Variants in DNAAF9 observed in about 807,000 individuals in gnomAD.
DNAAF9 encodes dynein axonemal assembly factor 9.
A neutral mutation model predicts 167.0 loss-of-function variants in DNAAF9; 90 were observed. That is an observed-to-expected ratio of 0.54 (90% CI 0.45 to 0.64). DNAAF9 has a LOEUF of 0.64. Ranked by LOEUF, DNAAF9 falls within the 30% of genes least tolerant of loss-of-function variation. DNAAF9 has a pLI of 0.00. For missense variants in DNAAF9, 1,315 were observed against 1,442.2 expected (o/e 0.91, Z 1.43); for synonymous variants, 491 against 508.8 (o/e 0.96, Z 0.47).
chr20:3,389,959 C>A (rs1374179091), intron 1 of DNAAF9, among the ~76,000 whole-genome samples: 2 of 151,374 alleles, frequency 1.3e-5, no homozygotes, highest in Non-Finnish European at 2.9e-5. Flanking sequence ...TCACTGGAAC[C>A]TGGAAGGCAG....
At chr20:3,281,792 TA>T (rs1279757020) in intron 27 of DNAAF9, 26 bp from the exon 28 acceptor site, 1 of 1,598,816 alleles carries the variant, frequency 6.3e-7, no homozygotes, top group Admixed American at 1.7e-5. Flanking sequence ...AAGGAATGAT[TA>T]GTTCACTGAC....
chr20:3,295,580 C>A (rs139042383), intron 23 of DNAAF9: 168 of 372,960 alleles, frequency 4.5e-4, no homozygotes, highest in African/African-American at 3.2e-3. Context: ...TTCTTCAGGG[C>A]AACATGGTCA....
In DNAAF9 at chr20:3,264,441, C is replaced by T; in HGVS notation, c.2870G>A (p.Gly957Asp). 7.1e-7 allele frequency: 1 copy of T among 1,409,392 alleles called. No individual in the cohort carries two copies. The highest frequency in any genetic ancestry group is 1.0e-6 in the Non-Finnish European group (1 of 994,848). 87.3% of individuals were successfully genotyped at this position (1,409,392 alleles called of 1,614,324 possible). ...MLRSRYLMYP[G>D]WYEGKLNAGS... is the part of the protein sequence containing the mutation. Reference sequence around the variant, plus strand: ...ATTTTTCAATGATGATACTTGCCAGCCAGGATACATTAAATATCGAGATCG... The same window carrying T: ...ATTTTTCAATGATGATACTTGCCAGTCAGGATACATTAAATATCGAGATCG... Residue 957 changes from glycine (G) to aspartate (D), a missense_variant, in exon 31 of 37, where the codon GGC becomes GAC. This residue lies in a region of DNAAF9 where 334 missense variants were observed against 429.7 expected (regional missense o/e 0.78). Coordinates refer to ENST00000252032, the MANE Select transcript of DNAAF9 (RefSeq NM_001009984.3).
In DNAAF9 at chr20:3,315,252, T is replaced by C; in HGVS notation, c.1591-132A>G. ...CTGAGTCAGGCTCAGATATGCCCAA[T>C]GTATTCCATGGCCTTTGGCATTGTC... On this transcript the variant is annotated intron_variant, in intron 19 of 36. Coordinates refer to ENST00000252032, the MANE Select transcript of DNAAF9 (RefSeq NM_001009984.3). This position sits in a 1 kb window ranked among gnomAD's most constrained non-coding sequence, Gnocchi z 4.1. 1 of 654,026 alleles carries C rather than the reference T, an allele frequency of 1.5e-6. No individual in the cohort carries two copies. The highest frequency in any genetic ancestry group is 2.6e-5 in the East Asian group (1 of 38,546). The allele number at this position is 654,026 out of a possible 1,614,324, so 40.5% of individuals were successfully genotyped here. A position where few individuals can be genotyped will look rare whatever the true frequency, so the allele number is the denominator to read the frequency against.
chr20:3,346,215 T>C (rs2070190269), intron 8 of DNAAF9, among the ~76,000 whole-genome samples: 1 of 152,202 alleles, frequency 6.6e-6, no homozygotes, highest in Non-Finnish European at 1.5e-5. Flanking sequence ...CTGGTGGGAA[T>C]GCAAACTGGT....
intron 8 of DNAAF9, among the ~76,000 whole-genome samples, chr20:3,345,006 T>C (rs2070165816): frequency 6.6e-6 from 1 of 152,226 alleles, no homozygotes; most frequent in Non-Finnish European, 1.5e-5. Context: ...CGGATATTTA[T>C]CAATTGGAGT....
Position 3,315,223 on chromosome 20 carries a change from A to C in DNAAF9, c.1591-103T>G. On this transcript the variant is annotated intron_variant, in intron 19 of 36. Transcript: ENST00000252032. This position sits in a 1 kb window ranked among gnomAD's most constrained non-coding sequence, Gnocchi z 4.1. The stretch of plus-strand genomic sequence containing the variant: ...TCCTGCCCAATTATGTCCGTCTACA[A>C]AAGCTGAGTCAGGCTCAGATATGCC... The C allele has an allele frequency of 1.3e-6, 1 of 767,518 alleles. No individual in the cohort carries two copies. Among genetic ancestry groups the C allele is most frequent in the Non-Finnish European group, 2.3e-6 (1 of 436,258 alleles). 47.5% of individuals were successfully genotyped at this position (767,518 alleles called of 1,614,324 possible).
At chr20:3,403,978 T>A (rs1005750423) in intron 1 of DNAAF9, among the ~76,000 whole-genome samples, 2 of 152,160 alleles carry the variant, frequency 1.3e-5, no homozygotes, top group Admixed American at 1.3e-4. Context: ...AAACTGTTCT[T>A]GTCAAGGTCA....
chr20:3,348,142 C>T (rs1295326724), intron 8 of DNAAF9, among the ~76,000 whole-genome samples: 1 of 152,098 alleles, frequency 6.6e-6, no homozygotes, highest in Non-Finnish European at 1.5e-5. Context: ...CAGGTTTACT[C>T]ATGAGCCTGG....
Position 3,270,628 on chromosome 20 carries a change from C to T in DNAAF9, c.2651-66G>A, listed in dbSNP as rs530833887. On this transcript the variant is annotated intron_variant, in intron 29 of 36. Transcript: ENST00000252032. ...GGTTAGGGGTGAAGGCTCACACAAA[C>T]GTGAGCCCTTGCTCCATCCCCTAAT... 3.2e-4 allele frequency: 460 copies of T among 1,436,824 alleles called. 2 individuals are homozygous for T. Among genetic ancestry groups the T allele is most frequent in the Non-Finnish European group, 8.4e-5 (86 of 1,027,940 alleles). 89.0% of individuals were successfully genotyped at this position (1,436,824 alleles called of 1,614,324 possible).
At position 3,343,847 on chromosome 20, in the gene DNAAF9, G is replaced by A. The variant is rs540724058; in HGVS notation, c.790-116C>T. 2.8e-4 allele frequency: 194 copies of A among 682,756 alleles called. 1 individual carries two copies. The highest frequency in any genetic ancestry group is 4.2e-4 in the Admixed American group (19 of 44,970). 42.3% of individuals were successfully genotyped at this position (682,756 alleles called of 1,614,324 possible). ...CTTCAGGAGAGTGCACAGCGTGTGT[G>A]TGTGTGTGTGTGCGTGTGTGCATGT... On this transcript the variant is annotated intron_variant, in intron 8 of 36. Coordinates refer to ENST00000252032, the MANE Select transcript of DNAAF9 (RefSeq NM_001009984.3).
Position 3,315,934 on chromosome 20 carries a change from C to A in DNAAF9, c.1540-149G>T. 2.9e-6 allele frequency: 2 copies of A among 686,210 alleles called. No individual in the cohort carries two copies. The highest frequency in any genetic ancestry group is 5.3e-6 in the Non-Finnish European group (2 of 379,686). The allele number at this position is 686,210 out of a possible 1,614,324, so 42.5% of individuals were successfully genotyped here. A position where few individuals can be genotyped will look rare whatever the true frequency, so the allele number is the denominator to read the frequency against. On this transcript the variant is annotated intron_variant, in intron 18 of 36. Transcript: ENST00000252032. This position sits in a 1 kb window ranked among gnomAD's most constrained non-coding sequence, Gnocchi z 4.1. ...CCAGTGCTCTCAGGCCCTGACACAC[C>A]TGAGATGTCTGCTGGTCACCTGGGC...
rs140340328 is a variant in DNAAF9 at position 3,363,364 on chromosome 20, T to A, written c.613-3771A>T. Among the ~76,000 whole-genome samples, 1,365 of 150,666 alleles carry A rather than the reference T, an allele frequency of 9.1e-3. 19 individuals carry two copies. The highest frequency in any genetic ancestry group is 0.032 in the African/African-American group (1,310 of 40,894). Reference sequence around the variant, plus strand: ...CTGTAATCCCAGCTACTTAGGAGGCTGAGGCAGGATAATCACTTGAACCCA... The same window carrying A: ...CTGTAATCCCAGCTACTTAGGAGGCAGAGGCAGGATAATCACTTGAACCCA... On this transcript the variant is annotated intron_variant, in intron 6 of 36. Transcript: ENST00000252032.
At chr20:3,370,611 T>C (rs745994335) in intron 6 of DNAAF9, among the ~76,000 whole-genome samples, 2 of 152,138 alleles carry the variant, frequency 1.3e-5, no homozygotes, top group African/African-American at 2.4e-5. Flanking sequence ...GGTTTCACCA[T>C]GTTGGCCAGG....
intron 1 of DNAAF9, among the ~76,000 whole-genome samples, chr20:3,406,508 T>G (rs1162987808): frequency 6.6e-6 from 1 of 151,982 alleles, no homozygotes; most frequent in Non-Finnish European, 1.5e-5. Flanking sequence ...CTGCAACCCC[T>G]CCATCATTCC....
chr20:3,287,711 G>C lies in DNAAF9; in HGVS notation c.2407C>G (p.Leu803Val), dbSNP rs2122890710. The C allele has an allele frequency of 3.7e-6, 6 of 1,614,192 alleles. No homozygotes were observed. The highest frequency in any genetic ancestry group is 5.1e-6 in the Non-Finnish European group (6 of 1,180,034). ...GCAGAGCGGTTCTGCTGGGCCTCTA[G>C]GGCACTGGAAAGGTATCTCTGGAAG... ...AHFQRYLSSALEAQQNRSARQ... is the reference protein window; with the variant it reads ...AHFQRYLSSAVEAQQNRSARQ... Residue 803 changes from leucine (L) to valine (V), a missense_variant, in exon 27 of 37, where the codon CTA (leucine) becomes GTA (valine). Leu to Val is a conservative substitution (Grantham distance 32). Around this residue, in one of 2 missense-constraint regions of DNAAF9, gnomAD observed 981 missense variants for 1,012.5 expected, o/e 0.97. Coordinates refer to ENST00000252032, the MANE Select transcript of DNAAF9 (RefSeq NM_001009984.3).
intron 20 of DNAAF9, among the ~76,000 whole-genome samples, chr20:3,305,286 G>C (rs2054425270): frequency 6.6e-6 from 1 of 152,208 alleles, no homozygotes; most frequent in Non-Finnish European, 1.5e-5. Context: ...TTGCTTTGGA[G>C]ACACAAAAGC....
At chr20:3,266,624 C>T (rs2068495025) in intron 30 of DNAAF9, among the ~76,000 whole-genome samples, 1 of 146,820 alleles carries the variant, frequency 6.8e-6, no homozygotes, top group African/African-American at 2.5e-5. Flanking sequence ...ACTACAGGTG[C>T]CCGCCACCAT....
At chr20:3,298,345 A>G (rs192059629) in intron 21 of DNAAF9, among the ~76,000 whole-genome samples, 170 bp from the exon 22 acceptor site, 2 of 152,270 alleles carry the variant, frequency 1.3e-5, no homozygotes, top group African/African-American at 4.8e-5. Context: ...TAGGAAATAA[A>G]AGGATTTTTT....
Sources: allele counts gnomAD v4.1 joint callset (sites outside exome capture counted in the v4.1 genomes callset), GRCh38; gene constraint gnomAD v4.1.1; regional missense constraint gnomAD v4.1.1; non-coding constraint Gnocchi (gnomAD v3.1); transcripts MANE v1.5; gene names NCBI Gene and HGNC (gene_info 2026-07-23, HGNC 2026-07-21).